SLC11A1: variants seen among roughly 807,000 people sequenced by gnomAD.
SLC11A1 encodes the protein solute carrier family 11 member 1.
In SLC11A1, 59 loss-of-function variants were observed where a neutral mutation model predicts 63.2. The observed-to-expected ratio is 0.93, with a 90% CI of 0.76 to 1.16. The LOEUF (loss-of-function observed/expected upper bound fraction) is 1.16. Ranked by LOEUF, SLC11A1 falls within the 50% of genes most tolerant of loss-of-function variation. The pLI is 0.00. For synonymous variants in SLC11A1, 305 were observed against 307.8 expected (o/e 0.99, Z 0.09); for missense variants, 688 against 730.7 (o/e 0.94, Z 0.67).
chr2:218,394,518 G>A lies in SLC11A1; in HGVS notation c.1389-114G>A, dbSNP rs951397599. 169 of 1,190,640 alleles carry A rather than the reference G, an allele frequency of 1.4e-4. 1 individual carries two copies. The highest frequency in any genetic ancestry group is 1.8e-4 in the Non-Finnish European group (153 of 833,010). 73.8% of individuals were successfully genotyped at this position (1,190,640 alleles called of 1,614,324 possible). On this transcript the variant is annotated intron_variant, in intron 13 of 14. Transcript: ENST00000233202. Reference sequence around the variant, plus strand: ...TCTGCTCCAGGTCCCACAGACCAGAGAAGCGGCCTCAGTGTATCCCCACCC... The same window carrying A: ...TCTGCTCCAGGTCCCACAGACCAGAAAAGCGGCCTCAGTGTATCCCCACCC...
Position 218,391,399 on chromosome 2 carries a change from C to T in SLC11A1, c.1068C>T (p.Phe356=), listed in dbSNP as rs779260974. The T allele has an allele frequency of 2.5e-6, 4 of 1,613,986 alleles. No individual in the cohort carries two copies. The highest frequency in any genetic ancestry group is 2.2e-5 in the East Asian group (1 of 44,874). The stretch of plus-strand genomic sequence containing the variant: ...AGGGCGTGATCCTGGGCTGCCTGTT[C>T]GGCCCCGCGGCCCTCTACATCTGGG... ...YQGGVILGCL[F]GPAALYIWAI... Residue 356 remains phenylalanine, a synonymous_variant, in exon 11 of 15, where the codon TTC becomes TTT. Transcript: ENST00000233202.
chr2:218,391,538 C>A, intron 11 of SLC11A1, 43 bp downstream of exon 11: 1 of 1,545,576 alleles, frequency 6.5e-7, no homozygotes, highest in South Asian at 1.2e-5. Context: ...GGTCCAAGGA[C>A]AGCAGGCACA....
Position 218,384,990 on chromosome 2 carries a change from TG to T in SLC11A1, c.274-154del. ...CTCCCACCTTAGCCTTTTAAAGTGC[TG>T]GGATTACAGGGTGAGCTACCAGCGC... On this transcript the variant is annotated intron_variant, in intron 3 of 14. Coordinates refer to ENST00000233202, the MANE Select transcript of SLC11A1 (RefSeq NM_000578.4). The surrounding 1 kb of genome is among the most constrained non-coding windows in gnomAD (Gnocchi z 4.0). The T allele has an allele frequency of 2.2e-6, 2 of 904,254 alleles. No individual in the cohort carries two copies. Among genetic ancestry groups the T allele is most frequent in the Non-Finnish European group, 3.3e-6 (2 of 603,342 alleles). 56.0% of individuals were successfully genotyped at this position (904,254 alleles called of 1,614,324 possible).
intron 1 of SLC11A1, 77 bp from the exon 2 acceptor site, chr2:218,382,883 G>A (rs1695876386): frequency 1.3e-6 from 2 of 1,583,906 alleles, no homozygotes; most frequent in African/African-American, 1.4e-5. Flanking sequence ...GGAGGAGGAG[G>A]GAAAGGATCA....
In SLC11A1 at chr2:218,393,045, T is replaced by C. The variant is rs1189102995; in HGVS notation, c.1229T>C (p.Leu410Pro). 1.9e-6 allele frequency: 3 copies of C among 1,600,252 alleles called. No homozygotes were observed. Among genetic ancestry groups the C allele is most frequent in the African/African-American group, 1.3e-5 (1 of 74,542 alleles). The change falls in exon 12 of 15, where the codon CTG becomes CCG. Residue 410 changes from leucine (L) to proline (P), a missense_variant. Transcript: ENST00000233202. ...RVLLTRSCAI[L>P]PTVLVAVFRD... ...CTCCTCACCCGCTCCTGCGCCATCC[T>C]GCCCACCGTGCTCGTGGCTGTCTTC...
chr2:218,385,238 G>A lies in SLC11A1; in HGVS notation c.365G>A (p.Gly122Asp), dbSNP rs749634201. The A allele has an allele frequency of 6.2e-7, 1 of 1,614,040 alleles. No homozygotes were observed. The highest frequency in any genetic ancestry group is 1.1e-5 in the South Asian group (1 of 91,082). The change falls in exon 4 of 15, where the codon GGC becomes GAC. Residue 122 changes from glycine (G) to aspartate (D), a missense_variant. Transcript: ENST00000233202. ...GGCGTGGTGACAGGCAAGGACTTGG[G>A]CGAGGTCTGCCATCTCTACTACCCT... is the stretch of plus-strand genomic sequence containing the variant. ...RLGVVTGKDL[G>D]EVCHLYYPKV... is the part of the protein sequence containing the mutation.
intron 12 of SLC11A1, among the ~76,000 whole-genome samples, chr2:218,393,376 A>AT (rs552692619): frequency 4.3e-4 from 59 of 136,902 alleles, no homozygotes; most frequent in African/African-American, 1.6e-3. Context: ...TGGTTCAATC[A>AT]TGGCTCACTG....
At chr2:218,383,287 C>G (rs1024398264) in intron 2 of SLC11A1, 185 bp downstream of exon 2, 1 of 617,550 alleles carries the variant, frequency 1.6e-6, no homozygotes, top group African/African-American at 1.9e-5. Flanking sequence ...TGGGGTGCTT[C>G]AGTATTTGTC....
rs1393402568 is a variant in SLC11A1, at chr2:218,382,331, C to T, written c.-38C>T. Reference sequence around the variant, plus strand: ...GCAGGCTGAGGAGCTGCCCAGAGCACCGCTCACACTCCCAGAGTACCTGAA... The same window carrying T: ...GCAGGCTGAGGAGCTGCCCAGAGCATCGCTCACACTCCCAGAGTACCTGAA... On this transcript the variant is annotated 5_prime_UTR_variant, in exon 1 of 15. Transcript: ENST00000233202. 6.2e-7 allele frequency: 1 copy of T among 1,612,222 alleles called. No individual in the cohort carries two copies. Among genetic ancestry groups the T allele is most frequent in the Non-Finnish European group, 8.5e-7 (1 of 1,179,058 alleles).
chr2:218,386,800 C>A (rs972280080), intron 5 of SLC11A1, 59 bp downstream of exon 5: 3 of 1,230,768 alleles, frequency 2.4e-6, no homozygotes, highest in Non-Finnish European at 3.6e-6. Flanking sequence ...GCTGCTACTT[C>A]CCCCCCTAAC....
At chr2:218,382,469 T>C in intron 1 of SLC11A1, 94 bp downstream of exon 1, 1 of 1,400,600 alleles carries the variant, frequency 7.1e-7, no homozygotes, top group Non-Finnish European at 1.0e-6. Flanking sequence ...AGAAAGCCCT[T>C]GGTCCCCTGT....
chr2:218,387,742 G>T, intron 7 of SLC11A1, 58 bp from the exon 8 acceptor site: 1 of 1,612,048 alleles, frequency 6.2e-7, no homozygotes, highest in African/African-American at 1.3e-5. Flanking sequence ...CTGAGAAATG[G>T]TGACCGCGGC....
rs1695995874 is a variant in SLC11A1, at chr2:218,384,910, T to TG, written c.274-232dup. 3 of 464,794 alleles carry TG rather than the reference T, an allele frequency of 6.5e-6. No individual in the cohort carries two copies. Among genetic ancestry groups the TG allele is most frequent in the African/African-American group, 2.0e-5 (1 of 50,212 alleles). 28.8% of individuals were successfully genotyped at this position (464,794 alleles called of 1,614,324 possible). A position where few individuals can be genotyped will look rare whatever the true frequency, so the allele number is the denominator to read the frequency against. The stretch of plus-strand genomic sequence containing the variant: ...CGTAATTTATTTATTTATTTAGAGA[T>TG]GGGGGTCTCACTATGTTGCTCAGGC... On this transcript the variant is annotated intron_variant, in intron 3 of 14. Transcript: ENST00000233202. This position sits in a 1 kb window ranked among gnomAD's most constrained non-coding sequence, Gnocchi z 4.0.
chr2:218,387,260 T>A (rs200924757), intron 6 of SLC11A1, 30 bp downstream of exon 6: 3 of 1,582,912 alleles, frequency 1.9e-6, no homozygotes, highest in Non-Finnish European at 2.6e-6. Context: ...CATAGGGGAG[T>A]GGTGGTGGTG....
At chr2:218,388,580 G>A (rs973186504) in intron 8 of SLC11A1, among the ~76,000 whole-genome samples, 9 of 151,298 alleles carry the variant, frequency 5.9e-5, no homozygotes, top group African/African-American at 2.2e-4. Context: ...GGCGGATCAC[G>A]AGGTCAGGAG....
intron 8 of SLC11A1, 73 bp downstream of exon 8, chr2:218,388,028 A>AG: frequency 6.9e-7 from 1 of 1,450,744 alleles, no homozygotes. Context: ...CCAAGCCTGG[A>AG]GCCCCTCCCC....
At position 218,391,367 on chromosome 2, in the gene SLC11A1, T is replaced by C; in HGVS notation, c.1045-9T>C. The C allele has an allele frequency of 6.2e-7, 1 of 1,613,958 alleles. No individual in the cohort carries two copies. The highest frequency in any genetic ancestry group is 8.5e-7 in the Non-Finnish European group (1 of 1,179,932). On this transcript the variant is annotated splice_polypyrimidine_tract_variant and intron_variant, in intron 10 of 14. Transcript: ENST00000233202. ...AGGGCCACCGGTCCTACCACACTCGTCCCTGCAGGGCGTGATCCTGGGCTG... is the reference window on the plus strand; with the variant it reads ...AGGGCCACCGGTCCTACCACACTCGCCCCTGCAGGGCGTGATCCTGGGCTG...
At position 218,394,214 on chromosome 2, in the gene SLC11A1, GTGCTGGA is replaced by G. The variant is rs752138968; in HGVS notation, c.1388+23_1388+29del. 39 of 1,610,424 alleles carry G rather than the reference GTGCTGGA, an allele frequency of 2.4e-5. No homozygotes were observed. The Admixed American group carries it at 4.3e-4, about 18-fold the overall frequency. On this transcript the variant is annotated intron_variant, in intron 13 of 14. Coordinates refer to ENST00000233202, the MANE Select transcript of SLC11A1 (RefSeq NM_000578.4). ...GGCCTGTGAGTACCCCCTTTCCCAAGTGCTGGATTGCATCACCACATTTCATCCTCAC... is the reference window on the plus strand; with the variant it reads ...GGCCTGTGAGTACCCCCTTTCCCAAGTTGCATCACCACATTTCATCCTCAC...
At position 218,394,203 on chromosome 2, in the gene SLC11A1, C is replaced by T. The variant is rs1433136271; in HGVS notation, c.1388+10C>T. On this transcript the variant is annotated intron_variant, in intron 13 of 14. Transcript: ENST00000233202. Reference sequence around the variant, plus strand: ...AGTTTGCCAATGGCCTGTGAGTACCCCCTTTCCCAAGTGCTGGATTGCATC... The same window carrying T: ...AGTTTGCCAATGGCCTGTGAGTACCTCCTTTCCCAAGTGCTGGATTGCATC... 1 of 1,613,622 alleles carries T rather than the reference C, an allele frequency of 6.2e-7. No individual in the cohort carries two copies.
Sources: allele counts gnomAD v4.1 joint callset (sites outside exome capture counted in the v4.1 genomes callset), GRCh38; gene constraint gnomAD v4.1.1; non-coding constraint Gnocchi (gnomAD v3.1); transcripts MANE v1.5; gene names NCBI Gene and HGNC (gene_info 2026-07-23, HGNC 2026-07-21).